Variants in PCDHGA3 observed in about 807,000 individuals in gnomAD.
The protein encoded by PCDHGA3 is protocadherin gamma-A3.
A neutral mutation model predicts 58.5 loss-of-function variants in PCDHGA3; 40 were observed. That is an observed-to-expected ratio of 0.68 (90% CI 0.53 to 0.89). PCDHGA3 has a LOEUF of 0.89. PCDHGA3 is among the 40% of genes least tolerant of loss of function. The probability of loss-of-function intolerance (pLI) is 0.00; values close to 1 mark genes in which losing one functional copy is unlikely to be tolerated. For synonymous variants in PCDHGA3, 530 were observed against 525.7 expected (o/e 1.01, Z -0.11); for missense variants, 1,223 against 1,195.9 (o/e 1.02, Z -0.33).
intron 2 of PCDHGA3, among the ~76,000 whole-genome samples, chr5:141,503,388 A>C (rs1456500896): frequency 6.6e-6 from 1 of 152,004 alleles, no homozygotes; most frequent in East Asian, 1.9e-4. Flanking sequence ...TGAGGTCAGG[A>C]GTTCGAAACC....
chr5:141,363,750 C>T (rs1326299943), intron 1 of PCDHGA3, among the ~76,000 whole-genome samples: 3 of 152,082 alleles, frequency 2.0e-5, no homozygotes, highest in Non-Finnish European at 4.4e-5. Flanking sequence ...CCTTGGTATT[C>T]TTATATGCAA....
chr5:141,497,702 G>A (rs904199928), intron 2 of PCDHGA3, among the ~76,000 whole-genome samples: 16 of 152,054 alleles, frequency 1.1e-4, no homozygotes, highest in African/African-American at 3.9e-4. Context: ...ACCACACCCA[G>A]CTCATTTTTG....
intron 1 of PCDHGA3, among the ~76,000 whole-genome samples, chr5:141,488,115 G>A (rs936010936): frequency 1.4e-4 from 21 of 152,298 alleles, no homozygotes; most frequent in Middle Eastern, 3.4e-3. Flanking sequence ...TTGAAACATA[G>A]AGACAGCAGA....
At chr5:141,388,866 C>T in intron 1 of PCDHGA3, 1 of 1,613,950 alleles carries the variant, frequency 6.2e-7, no homozygotes, top group Non-Finnish European at 8.5e-7. Flanking sequence ...AATGATTGCG[C>T]AATGCACAGT....
intron 1 of PCDHGA3, among the ~76,000 whole-genome samples, chr5:141,454,250 C>T (rs1453631901): frequency 6.6e-6 from 1 of 151,974 alleles, no homozygotes; most frequent in African/African-American, 2.4e-5. Context: ...TGAAGATGTC[C>T]CAGAGAAAGT....
chr5:141,360,486 C>T, intron 1 of PCDHGA3: 1 of 1,613,944 alleles, frequency 6.2e-7, no homozygotes, highest in Non-Finnish European at 8.5e-7. Context: ...TAAATATTTT[C>T]TACATAGCAG....
chr5:141,470,837 G>A (rs932315417), intron 1 of PCDHGA3, among the ~76,000 whole-genome samples: 4 of 151,948 alleles, frequency 2.6e-5, no homozygotes, highest in Non-Finnish European at 4.4e-5. Flanking sequence ...ACAAACACAC[G>A]CCACCATGCT....
At position 141,476,792 on chromosome 5, in the gene PCDHGA3, G is replaced by T. The variant is rs376910320; in HGVS notation, c.2425-18015G>T. ...GGACGGAGGGACCCCAGCTCTCTCC[G>T]CCAGCCTGCCTATTCACATCAAGGT... On this transcript the variant is annotated intron_variant, in intron 1 of 3. Coordinates refer to ENST00000253812, the MANE Select transcript of PCDHGA3 (RefSeq NM_018916.4). The surrounding 1 kb of genome is among the most constrained non-coding windows in gnomAD (Gnocchi z 7.6). 4.3e-6 allele frequency: 7 copies of T among 1,612,720 alleles called. No individual in the cohort carries two copies. Among genetic ancestry groups the T allele is most frequent in the Non-Finnish European group, 5.1e-6 (6 of 1,179,958 alleles).
chr5:141,508,062 C>T (rs910730855), intron 3 of PCDHGA3: 2 of 152,316 alleles, frequency 1.3e-5, no homozygotes, highest in African/African-American at 4.8e-5. Flanking sequence ...TAATCAGCCT[C>T]CTTGGGCTAC....
chr5:141,401,506 C>A (rs2094161695), intron 1 of PCDHGA3, among the ~76,000 whole-genome samples: 1 of 152,126 alleles, frequency 6.6e-6, no homozygotes, highest in Non-Finnish European at 1.5e-5. Flanking sequence ...CCTTTTCCAC[C>A]TCTATATAAT....
At chr5:141,405,330 T>C (rs750658260) in intron 1 of PCDHGA3, 1 of 1,614,206 alleles carries the variant, frequency 6.2e-7, no homozygotes, top group East Asian at 2.2e-5. Context: ...CCTTTGTGCG[T>C]CTCTGTTGAT....
At chr5:141,424,215 G>T in intron 1 of PCDHGA3, 1 of 167,104 alleles carries the variant, frequency 6.0e-6, no homozygotes. Flanking sequence ...TTTTCTCTGA[G>T]CAATTTTATT....
At chr5:141,423,497 A>G in intron 1 of PCDHGA3, 4 of 1,613,940 alleles carry the variant, frequency 2.5e-6, no homozygotes, top group Non-Finnish European at 3.4e-6. Flanking sequence ...TATTCCCACG[A>G]GGTCTCTCTC....
In PCDHGA3 at chr5:141,344,321, C is replaced by T. The variant is rs759020376; in HGVS notation, c.288C>T (p.Cys96=). ...AGAGGATAGACCGGGAGGAGCTCTG[C>T]GCTCAGATCCCGCTGTGTCTGGTAA... is the stretch of plus-strand genomic sequence containing the variant. ...TAERIDREEL[C]AQIPLCLVKI... Residue 96 remains cysteine (C), a synonymous_variant, in exon 1 of 4, where the codon TGC becomes TGT. Coordinates refer to ENST00000253812, the MANE Select transcript of PCDHGA3 (RefSeq NM_018916.4). 1.9e-6 allele frequency: 3 copies of T among 1,614,024 alleles called. No individual in the cohort carries two copies. Among genetic ancestry groups the T allele is most frequent in the Admixed American group, 1.7e-5 (1 of 60,028 alleles).
At chr5:141,499,689 C>CTTT (rs545067566) in intron 2 of PCDHGA3, among the ~76,000 whole-genome samples, 57 of 119,830 alleles carry the variant, frequency 4.8e-4, no homozygotes, top group Non-Finnish European at 6.2e-4. Context: ...TAACAGATGA[C>CTTT]TTTTTTTTTT....
chr5:141,350,985 A>G (rs1267505867), intron 1 of PCDHGA3: 2 of 1,614,068 alleles, frequency 1.2e-6, no homozygotes, highest in Admixed American at 1.7e-5. Flanking sequence ...TTTAGCCAGG[A>G]GGTATACAGG....
chr5:141,407,125 T>C (rs1367266686), intron 1 of PCDHGA3, among the ~76,000 whole-genome samples: 1 of 152,254 alleles, frequency 6.6e-6, no homozygotes, highest in Non-Finnish European at 1.5e-5. Context: ...TTCAGTTGCT[T>C]TATTTTTAAG....
intron 1 of PCDHGA3, chr5:141,384,433 G>A (rs1351940709): frequency 6.2e-7 from 1 of 1,613,998 alleles, no homozygotes. Flanking sequence ...CTCTGACACT[G>A]GAGTCCTGTA....
intron 1 of PCDHGA3, chr5:141,364,246 G>C (rs918034939): frequency 6.8e-7 from 1 of 1,464,914 alleles, no homozygotes; most frequent in African/African-American, 1.4e-5. Flanking sequence ...ATTTTCGTCA[G>C]GGAATATGTA....
Sources: gnomAD v4.1 joint callset for allele counts (sites outside exome capture counted in the v4.1 genomes callset) on GRCh38, gnomAD v4.1.1 for gene constraint, Gnocchi (gnomAD v3.1) non-coding constraint, MANE v1.5 for transcripts, NCBI Gene and HGNC (gene_info 2026-07-23, HGNC 2026-07-21) for gene names.